Variants in UGT1A8 observed in about 807,000 individuals in gnomAD.
UGT1A8 encodes UDP glucuronosyltransferase family 1 member A8, also known as UDP-glucuronosyltransferase 1A8.
UGT1A8 carries 39 observed loss-of-function variants against 45.3 expected under a neutral mutation model. That is an observed-to-expected ratio of 0.86 (90% CI 0.67 to 1.12). The LOEUF (loss-of-function observed/expected upper bound fraction) is 1.12. Among genes scored for constraint, UGT1A8 ranks in the 50% most tolerant of loss-of-function variants. The pLI, the probability that UGT1A8 is intolerant of heterozygous loss-of-function variation, is 0.00. For synonymous variants in UGT1A8, 275 were observed against 249.2 expected (o/e 1.10, Z -0.97); for missense variants, 719 against 664.9 (o/e 1.08, Z -0.90).
intron 1 of UGT1A8, chr2:233,648,537 T>A (rs1422395733): frequency 5.9e-6 from 1 of 168,692 alleles, no homozygotes; most frequent in African/African-American, 2.4e-5. Flanking sequence ...CTCGGCTCAC[T>A]GCAAACTGCA....
At chr2:233,727,258 C>T (rs899860562) in intron 1 of UGT1A8, among the ~76,000 whole-genome samples, 1 of 152,158 alleles carries the variant, frequency 6.6e-6, no homozygotes, top group African/African-American at 2.4e-5. Flanking sequence ...GCAGCCCAGA[C>T]CCCTCCTCAT....
At chr2:233,657,771 A>G (rs764524768) in intron 1 of UGT1A8, among the ~76,000 whole-genome samples, 1 of 152,152 alleles carries the variant, frequency 6.6e-6, no homozygotes, top group Non-Finnish European at 1.5e-5. Context: ...GAGCATCTTT[A>G]TGTGTGACTG....
chr2:233,672,323 A>G (rs1230942420), intron 1 of UGT1A8: 1 of 1,614,100 alleles, frequency 6.2e-7, no homozygotes, highest in Non-Finnish European at 8.5e-7. Flanking sequence ...TTGTTTAAAG[A>G]CAAAAAATTA....
At chr2:233,625,260 A>G (rs2073069990) in intron 1 of UGT1A8, among the ~76,000 whole-genome samples, 1 of 152,164 alleles carries the variant, frequency 6.6e-6, no homozygotes, top group Non-Finnish European at 1.5e-5. Context: ...CACCAGTTAG[A>G]ATGGCTGTTA....
At chr2:233,647,176 A>G (rs995230399) in intron 1 of UGT1A8, among the ~76,000 whole-genome samples, 1 of 152,302 alleles carries the variant, frequency 6.6e-6, no homozygotes. Flanking sequence ...CAGCCCCATG[A>G]TTCAATTATC....
In UGT1A8 at chr2:233,681,741, C is replaced by T. The variant is rs1044200513; in HGVS notation, c.855+63179C>T. ...TGATGAGTTACTCTTTTCTTGAAAA[C>T]ATATAAGCAGGTATCTCAGCAAAGG... On this transcript the variant is annotated intron_variant, in intron 1 of 4. Transcript: ENST00000373450. The T allele has an allele frequency of 5.1e-6, 4 of 785,016 alleles. No individual in the cohort carries two copies. The African/African-American group carries it at 7.5e-5, about 15-fold the overall frequency. 48.6% of individuals were successfully genotyped at this position (785,016 alleles called of 1,614,324 possible). A position where few individuals can be genotyped will look rare whatever the true frequency, so the allele number is the denominator to read the frequency against.
At position 233,713,670 on chromosome 2, in the gene UGT1A8, G is replaced by T. The variant is rs200994534; in HGVS notation, c.856-53364G>T. On this transcript the variant is annotated intron_variant, in intron 1 of 4. Transcript: ENST00000373450. ...GGCCCTGTCCTACCTTTGCCATGCT[G>T]TTTCTGCTCCTTATGCAAGCCTTGC... 1.7e-4 allele frequency: 280 copies of T among 1,613,946 alleles called. 1 individual carries two copies. The highest frequency in any genetic ancestry group is 2.1e-4 in the Non-Finnish European group (247 of 1,179,872).
intron 1 of UGT1A8, chr2:233,689,774 C>A: frequency 3.0e-6 from 1 of 331,564 alleles, no homozygotes; most frequent in African/African-American, 2.2e-5. Flanking sequence ...AACTCGGGGA[C>A]ATATGTTATG....
At chr2:233,632,118 C>G (rs2125455242) in intron 1 of UGT1A8, among the ~76,000 whole-genome samples, 1 of 152,214 alleles carries the variant, frequency 6.6e-6, no homozygotes, top group South Asian at 2.1e-4. Flanking sequence ...TTGTTTTTGT[C>G]AGGTTTGTCA....
chr2:233,769,725 C>T lies in UGT1A8; in HGVS notation c.1295+1286C>T, dbSNP rs1699926771. The T allele has an allele frequency of 6.7e-7, 1 of 1,483,194 alleles. No homozygotes were observed. Among genetic ancestry groups the T allele is most frequent in the Non-Finnish European group, 9.0e-7 (1 of 1,115,276 alleles). 91.9% of individuals were successfully genotyped at this position (1,483,194 alleles called of 1,614,324 possible). On this transcript the variant is annotated intron_variant, in intron 4 of 4. Transcript: ENST00000373450. This position sits in a 1 kb window ranked among gnomAD's most constrained non-coding sequence, Gnocchi z 4.4. The stretch of plus-strand genomic sequence containing the variant: ...TCAATGTTGGCTAGGCACCATGGCA[C>T]ACGCCTGTAGTCCCAGCCACTCTGG...
At chr2:233,751,245 G>A (rs961434580) in intron 1 of UGT1A8, among the ~76,000 whole-genome samples, 1 of 151,950 alleles carries the variant, frequency 6.6e-6, no homozygotes, top group Admixed American at 6.5e-5. Context: ...TTTTGGACTT[G>A]CATGGGGCCT....
chr2:233,683,343 A>G (rs1255064988), intron 1 of UGT1A8, among the ~76,000 whole-genome samples: 1 of 152,188 alleles, frequency 6.6e-6, no homozygotes, highest in African/African-American at 2.4e-5. Flanking sequence ...ATTGCATGGT[A>G]GTCTTTACTT....
At chr2:233,654,550 ATTGT>A (rs1459959908) in intron 1 of UGT1A8, among the ~76,000 whole-genome samples, 3 of 152,256 alleles carry the variant, frequency 2.0e-5, no homozygotes, top group African/African-American at 7.2e-5. Flanking sequence ...TATATTCATA[ATTGT>A]TTGTAATATA....
In UGT1A8 at chr2:233,633,239, C is replaced by T. The variant is rs150417671; in HGVS notation, c.855+14677C>T. On this transcript the variant is annotated intron_variant, in intron 1 of 4. Coordinates refer to ENST00000373450, the MANE Select transcript of UGT1A8 (RefSeq NM_019076.5). ...GTACTTTATTGAGGATATTTGCCAT[C>T]GATGTTCATCAGAGATATTGGCCTG... 3.8e-3 allele frequency among the ~76,000 whole-genome samples: 586 copies of T among 152,220 alleles called. 5 individuals are homozygous for T. Among genetic ancestry groups the T allele is most frequent in the African/African-American group, 0.013 (552 of 41,534 alleles).
intron 1 of UGT1A8, among the ~76,000 whole-genome samples, chr2:233,726,860 T>G (rs1392432205): frequency 6.6e-6 from 1 of 152,244 alleles, no homozygotes; most frequent in East Asian, 1.9e-4. Context: ...CTCCATAGTC[T>G]TCTATTCTCC....
intron 1 of UGT1A8, among the ~76,000 whole-genome samples, chr2:233,656,376 C>T (rs990916252): frequency 7.2e-5 from 11 of 152,216 alleles, no homozygotes; most frequent in Admixed American, 3.3e-4. Context: ...AAATCAGCCT[C>T]TTGTCCAATG....
intron 1 of UGT1A8, among the ~76,000 whole-genome samples, chr2:233,678,906 G>C (rs1421680111): frequency 1.3e-5 from 2 of 152,086 alleles, no homozygotes; most frequent in African/African-American, 4.8e-5. Context: ...CATAAATCCT[G>C]TGAAGTCATG....
intron 1 of UGT1A8, among the ~76,000 whole-genome samples, chr2:233,717,462 T>C (rs1357156698): frequency 1.3e-5 from 2 of 152,152 alleles, no homozygotes; most frequent in African/African-American, 4.8e-5. Flanking sequence ...GCCTGTCCCA[T>C]GGGTTGTGTC....
chr2:233,628,795 G>A (rs1020655261), intron 1 of UGT1A8, among the ~76,000 whole-genome samples: 2 of 151,958 alleles, frequency 1.3e-5, no homozygotes, highest in Non-Finnish European at 2.9e-5. Context: ...TTTATTTTCC[G>A]AGTTTGTTGA....
Sources: gnomAD v4.1 joint callset for allele counts (sites outside exome capture counted in the v4.1 genomes callset) on GRCh38, gnomAD v4.1.1 for gene constraint, Gnocchi (gnomAD v3.1) non-coding constraint, MANE v1.5 for transcripts, NCBI Gene and HGNC (gene_info 2026-07-23, HGNC 2026-07-21) for gene names.